SAMD12: variants seen among roughly 807,000 people sequenced by gnomAD.
The protein encoded by SAMD12 is sterile alpha motif domain-containing protein 12.
In SAMD12, 9 loss-of-function variants were observed where a neutral mutation model predicts 15.0. That is an observed-to-expected ratio of 0.60 (90% CI 0.36 to 1.05). The LOEUF (loss-of-function observed/expected upper bound fraction) is 1.05. Among genes scored for constraint, SAMD12 ranks in the 50% least tolerant of loss-of-function variants. SAMD12 has a pLI of 0.01. For missense variants in SAMD12, 230 were observed against 234.2 expected (o/e 0.98, Z 0.12); for synonymous variants, 86 against 90.1 (o/e 0.96, Z 0.25).
At chr8:118,440,055 T>G in intron 2 of SAMD12, 94 bp from the exon 3 acceptor site, 1 of 1,231,124 alleles carries the variant, frequency 8.1e-7, no homozygotes, top group South Asian at 1.4e-5. Context: ...GGCTACAGAC[T>G]GGATTCCCTG....
exon 5 of SAMD12, chr8:118,197,688 C>A: frequency 6.2e-7 from 1 of 1,608,802 alleles, no homozygotes; most frequent in Non-Finnish European, 8.5e-7. Context: ...GGCAGGACAG[C>A]AGCTTGGAAG....
chr8:118,376,960 C>T (rs550110275), downstream of SAMD12, among the ~76,000 whole-genome samples: 9 of 114,128 alleles, frequency 7.9e-5, no homozygotes, highest in South Asian at 9.7e-4. Flanking sequence ...AATATTTTAA[C>T]GCTAATCTGT....
intron 2 of SAMD12, among the ~76,000 whole-genome samples, chr8:118,537,040 G>T (rs369786613): frequency 6.6e-6 from 1 of 152,090 alleles, no homozygotes; most frequent in South Asian, 2.1e-4. Context: ...GGATATTTTT[G>T]CTGGATATAC....
At chr8:118,197,305 ATTTT>A (rs1007140899) in exon 5 of SAMD12, 2 of 220,724 alleles carry the variant, frequency 9.1e-6, no homozygotes, top group Non-Finnish European at 1.8e-5. Flanking sequence ...AATTGCTGTA[ATTTT>A]TTTTTTCTAA....
chr8:118,264,313 T>C (rs1813150474), intron 4 of SAMD12, among the ~76,000 whole-genome samples: 1 of 152,176 alleles, frequency 6.6e-6, no homozygotes, highest in Admixed American at 6.6e-5. Context: ...CTGCTAGCCA[T>C]CTTTTACAAA....
intron 4 of SAMD12, among the ~76,000 whole-genome samples, chr8:118,232,204 T>C (rs1311366439): frequency 6.6e-6 from 1 of 152,084 alleles, no homozygotes; most frequent in Non-Finnish European, 1.5e-5. Flanking sequence ...CAGGAGACCA[T>C]TTACTTAAAA....
chr8:118,174,497 A>G, the SAMD12 span, among the ~76,000 whole-genome samples: 1 of 152,118 alleles, frequency 6.6e-6, no homozygotes, highest in Admixed American at 6.5e-5. Context: ...ATAACTATTA[A>G]CTGAGTGTTG....
chr8:118,407,199 T>C (rs533622780), intron 3 of SAMD12, among the ~76,000 whole-genome samples: 2 of 152,292 alleles, frequency 1.3e-5, no homozygotes, highest in South Asian at 4.1e-4. Flanking sequence ...ATGGGACTGA[T>C]GGATCATATG....
chr8:118,202,135 A>T (rs2451164), intron 4 of SAMD12, among the ~76,000 whole-genome samples: 1 of 151,942 alleles, frequency 6.6e-6, no homozygotes, highest in Non-Finnish European at 1.5e-5. Context: ...GTTAAAAAGG[A>T]CTCATAGGAA....
intron 3 of SAMD12, among the ~76,000 whole-genome samples, chr8:118,435,480 T>C (rs2130879560): frequency 6.6e-6 from 1 of 152,300 alleles, no homozygotes; most frequent in African/African-American, 2.4e-5. Context: ...GGGGGATTAC[T>C]ACAGCTTCTC....
At chr8:118,236,327 C>T (rs528715984) in intron 4 of SAMD12, among the ~76,000 whole-genome samples, 3 of 152,090 alleles carry the variant, frequency 2.0e-5, no homozygotes, top group East Asian at 1.9e-4. Flanking sequence ...TATTAAACTC[C>T]GTGGTATACA....
chr8:118,546,253 G>A (rs956473983), intron 2 of SAMD12, among the ~76,000 whole-genome samples: 1 of 152,216 alleles, frequency 6.6e-6, no homozygotes, highest in Non-Finnish European at 1.5e-5. Context: ...CCTGGACAAT[G>A]TTGAGTAGCA....
At chr8:118,322,902 G>A (rs1475904253) in intron 4 of SAMD12, among the ~76,000 whole-genome samples, 1 of 151,608 alleles carries the variant, frequency 6.6e-6, no homozygotes, top group Non-Finnish European at 1.5e-5. Context: ...ATTTGTTGTG[G>A]CAGAGACTGC....
chr8:118,269,334 A>G (rs901159910), intron 4 of SAMD12, among the ~76,000 whole-genome samples: 2 of 151,830 alleles, frequency 1.3e-5, no homozygotes, highest in African/African-American at 4.8e-5. Flanking sequence ...AGAAATCAAT[A>G]TCATAGAAAC....
At chr8:118,536,858 C>G (rs1325170969) in intron 2 of SAMD12, among the ~76,000 whole-genome samples, 2 of 152,188 alleles carry the variant, frequency 1.3e-5, no homozygotes, top group African/African-American at 4.8e-5. Context: ...TTACTATTAA[C>G]AGTGAGTTTT....
At chr8:118,438,624 T>C (rs1232210606) in intron 3 of SAMD12, among the ~76,000 whole-genome samples, 1 of 152,102 alleles carries the variant, frequency 6.6e-6, no homozygotes, top group Non-Finnish European at 1.5e-5. Context: ...TGAACTGACC[T>C]GCCCCAGATC....
At chr8:118,139,007 C>CA in the SAMD12 span, among the ~76,000 whole-genome samples, 1 of 152,162 alleles carries the variant, frequency 6.6e-6, no homozygotes, top group Admixed American at 6.5e-5. Context: ...TCGAACTTAA[C>CA]AGCCAAGGAG....
At chr8:118,372,633 C>T (rs912995232) in intron 4 of SAMD12, among the ~76,000 whole-genome samples, 1 of 152,006 alleles carries the variant, frequency 6.6e-6, no homozygotes, top group Non-Finnish European at 1.5e-5. Context: ...ATAATAAAAA[C>T]CTATGTGTGA....
intron 2 of SAMD12, among the ~76,000 whole-genome samples, chr8:118,481,283 A>G (rs545662439): frequency 1.3e-5 from 2 of 152,258 alleles, no homozygotes; most frequent in South Asian, 4.1e-4. Flanking sequence ...ATTTAGTACT[A>G]AACTATTTGT....
Sources: allele counts gnomAD v4.1 joint callset (sites outside exome capture counted in the v4.1 genomes callset), GRCh38; gene constraint gnomAD v4.1.1; transcripts MANE v1.5; gene names NCBI Gene and HGNC (gene_info 2026-07-23, HGNC 2026-07-21).